The following CCAR1 variants were observed in gnomAD, a reference collection of about 807,000 sequenced individuals.
CCAR1 encodes cell division cycle and apoptosis regulator protein 1.
CCAR1 carries 78 observed loss-of-function variants against 163.8 expected under a neutral mutation model. That is an observed-to-expected ratio of 0.48 (90% confidence interval 0.40 to 0.57). CCAR1 has a LOEUF of 0.57. CCAR1 is among the 20% of genes least tolerant of loss of function. The pLI, the probability that CCAR1 is intolerant of heterozygous loss-of-function variation, is 0.00. For synonymous variants in CCAR1, 443 were observed against 460.7 expected (o/e 0.96, Z 0.49); for missense variants, 1,019 against 1,365.2 (o/e 0.75, Z 4.00).
At chr10:68,726,242 C>G (rs2055944525) in intron 2 of CCAR1, among the ~76,000 whole-genome samples, 1 of 151,240 alleles carries the variant, frequency 6.6e-6, no homozygotes, top group Non-Finnish European at 1.5e-5. Flanking sequence ...AGCTCCACCT[C>G]CTGGGTTCAA....
intron 16 of CCAR1, among the ~76,000 whole-genome samples, chr10:68,763,246 G>A (rs926380661): frequency 1.3e-5 from 2 of 152,126 alleles, no homozygotes; most frequent in Non-Finnish European, 2.9e-5. Context: ...TGCCTCCTGG[G>A]TTCAAGCTAT....
intron 3 of CCAR1, among the ~76,000 whole-genome samples, 176 bp downstream of exon 3, chr10:68,737,224 G>T (rs2056123033): frequency 6.6e-6 from 1 of 152,096 alleles, no homozygotes; most frequent in African/African-American, 2.4e-5. Flanking sequence ...GAATAGTTGG[G>T]CCAGGCATGG....
intron 2 of CCAR1, among the ~76,000 whole-genome samples, chr10:68,729,838 A>G (rs1243890941): frequency 6.6e-6 from 1 of 152,064 alleles, no homozygotes; most frequent in Non-Finnish European, 1.5e-5. Flanking sequence ...GGATGGAAGC[A>G]GTCCTCCTGC....
At chr10:68,782,089 C>T (rs1204955102) in intron 19 of CCAR1, among the ~76,000 whole-genome samples, 1 of 152,102 alleles carries the variant, frequency 6.6e-6, no homozygotes, top group African/African-American at 2.4e-5. Flanking sequence ...AGCTTTATTG[C>T]TATAAGGAGA....
rs2056835239 is a variant in CCAR1 at position 68,789,934 on chromosome 10, T to C, written c.3393+19T>C. On this transcript the variant is annotated intron_variant, in intron 24 of 24. Transcript: ENST00000265872. ...CAAGAAGGTGAGAAATTTTGTACTTTTAACATTTTCTTAGTTTTAAAAATC... is the reference window on the plus strand; with the variant it reads ...CAAGAAGGTGAGAAATTTTGTACTTCTAACATTTTCTTAGTTTTAAAAATC... The C allele has an allele frequency of 6.8e-7, 1 of 1,474,108 alleles. No individual in the cohort carries two copies. Among genetic ancestry groups the C allele is most frequent in the Non-Finnish European group, 9.2e-7 (1 of 1,090,610 alleles). The allele number at this position is 1,474,108 out of a possible 1,614,324, so 91.3% of individuals were successfully genotyped here. A position where few individuals can be genotyped will look rare whatever the true frequency, so the allele number is the denominator to read the frequency against.
At chr10:68,744,997 A>C (rs1382355403) in intron 6 of CCAR1, among the ~76,000 whole-genome samples, 1 of 91,790 alleles carries the variant, frequency 1.1e-5, no homozygotes, top group Non-Finnish European at 2.4e-5. Flanking sequence ...TATTTAATTA[A>C]ATTAATTAAT....
Position 68,749,618 on chromosome 10 carries a change from T to C in CCAR1, c.1051T>C (p.Ser351Pro). 1 of 1,614,054 alleles carries C rather than the reference T, an allele frequency of 6.2e-7. No homozygotes were observed. The highest frequency in any genetic ancestry group is 8.5e-7 in the Non-Finnish European group (1 of 1,179,924). The change falls in exon 10 of 25, where the codon TCA (serine) becomes CCA (proline). Residue 351 changes from serine to proline, a missense_variant. Physicochemically the swap from Ser to Pro is moderately conservative, Grantham distance 74. Coordinates refer to ENST00000265872, the MANE Select transcript of CCAR1 (RefSeq NM_018237.4). ...ATCTCCACGAAGAGAGCGAGAGCGA[T>C]CACCTCGGAGAGTTCGACGTGTTGT... ...ERSPRRERERSPRRVRRVVPR... is the reference protein window; with the variant it reads ...ERSPRRERERPPRRVRRVVPR...
Position 68,721,296 on chromosome 10 carries a change from C to G in CCAR1, c.-51+14C>G, listed in dbSNP as rs1047985356. ...GACCCGACTCAGGTGAAGGTCTGGT[C>G]CCCGTAGTTGGAGCAGTGGGCGGCC... On this transcript the variant is annotated intron_variant, in intron 1 of 24. Transcript: ENST00000265872. The G allele has an allele frequency of 1.4e-5, 3 of 209,992 alleles. No homozygotes were observed. Among genetic ancestry groups the G allele is most frequent in the Admixed American group, 1.3e-4 (2 of 15,764 alleles). The allele number at this position is 209,992 out of a possible 1,614,324, so 13.0% of individuals were successfully genotyped here.
At chr10:68,778,333 C>T (rs2056693457) in intron 19 of CCAR1, among the ~76,000 whole-genome samples, 1 of 152,182 alleles carries the variant, frequency 6.6e-6, no homozygotes, top group Non-Finnish European at 1.5e-5. Context: ...CTCACATATG[C>T]TTCTATGTTA....
Position 68,738,899 on chromosome 10 carries a change from T to C in CCAR1, c.291+1010T>C, listed in dbSNP as rs1169964821. 2.6e-5 allele frequency among the ~76,000 whole-genome samples: 4 copies of C among 152,150 alleles called. No homozygotes were observed. In the East Asian group the frequency reaches 7.7e-4, roughly 29 times the overall value. ...CTCTCTCTACTAAAAATAGAAAAAT[T>C]AGCTGGGCCTGGTGGTGCACAGCTG... On this transcript the variant is annotated intron_variant, in intron 4 of 24. Transcript: ENST00000265872.
intron 13 of CCAR1, 90 bp downstream of exon 13, chr10:68,755,626 T>A (rs1206206924): frequency 8.9e-7 from 1 of 1,123,920 alleles, no homozygotes; most frequent in Middle Eastern, 2.6e-4. Flanking sequence ...CCCGGCTTAT[T>A]TTAGCAACCC....
chr10:68,756,183 A>AT lies in CCAR1; in HGVS notation c.1626-87dup. 9.8e-7 allele frequency: 1 copy of AT among 1,019,714 alleles called. No individual in the cohort carries two copies. The highest frequency in any genetic ancestry group is 2.5e-5 in the East Asian group (1 of 40,586). The allele number at this position is 1,019,714 out of a possible 1,614,324, so 63.2% of individuals were successfully genotyped here. A position where few individuals can be genotyped will look rare whatever the true frequency, so the allele number is the denominator to read the frequency against. On this transcript the variant is annotated intron_variant, in intron 13 of 24. Transcript: ENST00000265872. This position sits in a 1 kb window ranked among gnomAD's most constrained non-coding sequence, Gnocchi z 5.1. ...ACCAACCTCAAGTTCTTGCAGCAAA[A>AT]TTTCTTTACTTGATGTGCTACAAGT...
intron 9 of CCAR1, 118 bp from the exon 10 acceptor site, chr10:68,749,406 A>G (rs762918530): frequency 1.3e-5 from 17 of 1,271,130 alleles, no homozygotes; most frequent in Middle Eastern, 5.2e-4. Flanking sequence ...TACAATTTTT[A>G]AAAAGTTAAA....
At position 68,722,554 on chromosome 10, in the gene CCAR1, C is replaced by T. The variant is rs764177283; in HGVS notation, c.50C>T (p.Thr17Ile). The T allele has an allele frequency of 1.2e-6, 2 of 1,613,220 alleles. No individual in the cohort carries two copies. Among genetic ancestry groups the T allele is most frequent in the East Asian group, 2.2e-5 (1 of 44,874 alleles). The change falls in exon 2 of 25, where the codon ACA becomes ATA. Residue 17 changes from threonine (T) to isoleucine (I), a missense_variant. Thr to Ile is a moderately conservative substitution (Grantham distance 89). Coordinates refer to ENST00000265872, the MANE Select transcript of CCAR1 (RefSeq NM_018237.4). ...AATCCGCCATGGGCTACTCAGTTTA[C>T]AGCCACTGCAGTATCACAGCCAGGT... The part of the protein sequence containing the change: ...QKNPPWATQF[T>I]ATAVSQPAAL...
chr10:68,748,669 T>C (rs1345020844), intron 8 of CCAR1, among the ~76,000 whole-genome samples: 1 of 151,924 alleles, frequency 6.6e-6, no homozygotes, highest in Non-Finnish European at 1.5e-5. Flanking sequence ...TTTGTATCTT[T>C]TGTAGAGACA....
chr10:68,768,511 T>A (rs531821589), intron 17 of CCAR1, among the ~76,000 whole-genome samples: 1 of 152,280 alleles, frequency 6.6e-6, no homozygotes, highest in Admixed American at 6.5e-5. Context: ...CTCAGGACGC[T>A]GAGGCAGGAG....
intron 6 of CCAR1, among the ~76,000 whole-genome samples, chr10:68,744,059 T>A (rs2133338629): frequency 6.6e-6 from 1 of 152,106 alleles, no homozygotes; most frequent in Middle Eastern, 3.4e-3. Flanking sequence ...AGTTTTTGTA[T>A]TTTTTAGTAG....
At chr10:68,786,811 G>C (rs1050530001) in intron 21 of CCAR1, 119 bp downstream of exon 21, 1 of 828,126 alleles carries the variant, frequency 1.2e-6, no homozygotes, top group Admixed American at 2.9e-5. Flanking sequence ...AGGGCCAGGC[G>C]TGGTGGCTCA....
chr10:68,764,707 G>T (rs528526550), intron 16 of CCAR1, among the ~76,000 whole-genome samples: 24 of 152,224 alleles, frequency 1.6e-4, no homozygotes, highest in African/African-American at 4.8e-4. Flanking sequence ...GATAGGGTCA[G>T]ATACATGATC....
Sources: gnomAD v4.1 joint callset for allele counts (sites outside exome capture counted in the v4.1 genomes callset) on GRCh38, gnomAD v4.1.1 for gene constraint, Gnocchi (gnomAD v3.1) non-coding constraint, MANE v1.5 for transcripts, NCBI Gene and HGNC (gene_info 2026-07-23, HGNC 2026-07-21) for gene names.